RBFA: variants seen among roughly 807,000 people sequenced by gnomAD.
RBFA encodes ribosome binding factor A.
A neutral mutation model predicts 27.9 loss-of-function variants in RBFA; 16 were observed. The observed-to-expected ratio is 0.57, with a 90% CI of 0.39 to 0.87. The LOEUF (loss-of-function observed/expected upper bound fraction) is 0.87, where lower values mean the gene tolerates loss of function less well. Ranked by LOEUF, RBFA falls within the 40% of genes least tolerant of loss-of-function variation. The pLI is 0.00. For missense variants in RBFA, 456 were observed against 432.1 expected, an observed-to-expected ratio of 1.06 and a Z score of -0.49; for synonymous variants, 181 against 181.0, an observed-to-expected ratio of 1.00 and a Z score of 0.00.
chr18:80,048,908 AGTGTGG>A lies in RBFA; in HGVS notation c.*2755_*2760del, dbSNP rs2052076025. On this transcript the variant is annotated 3_prime_UTR_variant, in exon 7 of 7. Coordinates refer to ENST00000306735, the MANE Select transcript of RBFA (RefSeq NM_024805.3). ...CGGCTCAGTGCCTCCTAGAAAGTGG[AGTGTGG>A]GCACGTTTGCAGGGGATCCAACCAG... 4.9e-5 allele frequency among the ~76,000 whole-genome samples: 7 copies of A among 143,482 alleles called. No homozygotes were observed. Among genetic ancestry groups the A allele is most frequent in the South Asian group, 4.3e-4 (2 of 4,662 alleles). The allele number at this position is 143,482 out of a possible 152,430, so 94.1% of individuals were successfully genotyped here. A position where few individuals can be genotyped will look rare whatever the true frequency, so the allele number is the denominator to read the frequency against.
Position 80,048,628 on chromosome 18 carries a change from G to T in RBFA, c.*2473G>T, listed in dbSNP as rs189980514. On this transcript the variant is annotated 3_prime_UTR_variant, in exon 7 of 7. Coordinates refer to ENST00000306735, the MANE Select transcript of RBFA (RefSeq NM_024805.3). The stretch of plus-strand genomic sequence containing the variant: ...TAGGCCCAGAGAGCCCCAGGCTGCT[G>T]CCCAGACCTCCACGCCTGTGCCGGA... 7.2e-5 allele frequency among the ~76,000 whole-genome samples: 11 copies of T among 152,346 alleles called. No individual in the cohort carries two copies. The East Asian group carries it at 1.7e-3, about 24-fold the overall frequency.
At chr18:80,036,483 C>G (rs2051979658) in intron 1 of RBFA, among the ~76,000 whole-genome samples, 185 bp from the exon 2 acceptor site, 1 of 152,206 alleles carries the variant, frequency 6.6e-6, no homozygotes, top group African/African-American at 2.4e-5. Context: ...TTAAAACCAT[C>G]TTCAGCCTCT....
rs1446471235 is a variant in RBFA at position 80,045,772 on chromosome 18, A to G, written c.651-2A>G. The G allele has an allele frequency of 6.6e-7, 1 of 1,511,500 alleles. No homozygotes were observed. Among genetic ancestry groups the G allele is most frequent in the Non-Finnish European group, 8.8e-7 (1 of 1,130,850 alleles). 93.6% of individuals were successfully genotyped at this position (1,511,500 alleles called of 1,614,324 possible). A position where few individuals can be genotyped will look rare whatever the true frequency, so the allele number is the denominator to read the frequency against. The stretch of plus-strand genomic sequence containing the variant: ...GGTGTGAAGCCTCTTCTTCCTTCCC[A>G]GGGACCCTGATGCCCCACAACCCTG... On this transcript the variant is annotated splice_acceptor_variant, in intron 6 of 6. Coordinates refer to ENST00000306735, the MANE Select transcript of RBFA (RefSeq NM_024805.3). LOFTEE classifies it high-confidence loss of function.
intron 5 of RBFA, among the ~76,000 whole-genome samples, chr18:80,042,740 C>A (rs2052024868): frequency 6.6e-6 from 1 of 151,034 alleles, no homozygotes; most frequent in Non-Finnish European, 1.5e-5. Context: ...CACTGCACTC[C>A]AGGCAGCAGA....
At chr18:80,039,363 C>G (rs940554917) in intron 4 of RBFA, among the ~76,000 whole-genome samples, 5 of 152,134 alleles carry the variant, frequency 3.3e-5, no homozygotes, top group African/African-American at 1.2e-4. Context: ...GACAGTTTAT[C>G]AAAAATTATT....
intron 4 of RBFA, 31 bp downstream of exon 4, chr18:80,038,648 C>T (rs1417019604): frequency 6.6e-7 from 1 of 1,509,570 alleles, no homozygotes; most frequent in South Asian, 1.2e-5. Context: ...AATGTACTTG[C>T]TTTTTGCTCA....
In RBFA at chr18:80,034,533, C is replaced by T; in HGVS notation, c.38C>T (p.Ala13Val). 6.3e-7 allele frequency: 1 copy of T among 1,589,440 alleles called. No individual in the cohort carries two copies. The highest frequency in any genetic ancestry group is 8.5e-7 in the Non-Finnish European group (1 of 1,172,752). Residue 13 changes from alanine (A) to valine (V), a missense_variant, in exon 1 of 7, where the codon GCG becomes GTG. Transcript: ENST00000306735. ...GCGGGCGGGCTGTGGCGCTCCCGCG[C>T]GGGTCTCCGGGCCCTGTTCCGTAGC... ...AAAGGLWRSR[A>V]GLRALFRSRD...
intron 3 of RBFA, among the ~76,000 whole-genome samples, 159 bp downstream of exon 3, chr18:80,037,665 G>A (rs1374566317): frequency 6.6e-6 from 1 of 152,160 alleles, no homozygotes; most frequent in African/African-American, 2.4e-5. Flanking sequence ...TGAGGCGGGC[G>A]GATCACGAGG....
In RBFA at chr18:80,038,494, C is replaced by T. The variant is rs766137224; in HGVS notation, c.379-11C>T. On this transcript the variant is annotated splice_polypyrimidine_tract_variant and intron_variant, in intron 3 of 6. Transcript: ENST00000306735. ...AGCTAAAAAGTGACCTGTGGAGGGG[C>T]GGGGTCTCAGGTTTCCCTGACTCCA... The T allele has an allele frequency of 5.2e-5, 82 of 1,584,264 alleles. No individual in the cohort carries two copies. The highest frequency in any genetic ancestry group is 1.1e-4 in the East Asian group (5 of 44,512).
chr18:80,038,624 A>G lies in RBFA; in HGVS notation c.491+7A>G. On this transcript the variant is annotated splice_region_variant and intron_variant, in intron 4 of 6. Transcript: ENST00000306735. ...GAAGTGCCGCGCACATGAGGTGATG[A>G]CCTTTGCTTTCTGAATGTACTTGCT... is the stretch of plus-strand genomic sequence containing the variant. 6.3e-7 allele frequency: 1 copy of G among 1,595,726 alleles called. No individual in the cohort carries two copies. The highest frequency in any genetic ancestry group is 1.1e-5 in the South Asian group (1 of 89,394).
At chr18:80,045,199 G>A (rs1320811804) in intron 6 of RBFA, among the ~76,000 whole-genome samples, 1 of 151,106 alleles carries the variant, frequency 6.6e-6, no homozygotes, top group African/African-American at 2.4e-5. Flanking sequence ...CGAGGCACTG[G>A]CCATGCTTAG....
rs1418527572 is a variant in RBFA, at chr18:80,036,705, C to T, written c.196C>T (p.His66Tyr). Residue 66 changes from histidine to tyrosine, a missense_variant, in exon 2 of 7, where the codon CAC becomes TAC. Transcript: ENST00000306735. ...VWYESPSLGSHSTYKPSKLEF... is the reference protein window; with the variant it reads ...VWYESPSLGSYSTYKPSKLEF... ...GTATGAAAGTCCTTCCTTGGGTTCT[C>T]ACTCGGTGAGTATAAGCCATGAGCC... 5 of 1,611,676 alleles carry T rather than the reference C, an allele frequency of 3.1e-6. No individual in the cohort carries two copies. The East Asian group carries it at 8.9e-5, about 29-fold the overall frequency.
At chr18:80,042,866 G>A (rs2052025960) in intron 5 of RBFA, among the ~76,000 whole-genome samples, 2 of 151,926 alleles carry the variant, frequency 1.3e-5, no homozygotes, top group African/African-American at 4.8e-5. Context: ...CTGTGCCCCT[G>A]TTCCCAGCCA....
At chr18:80,035,985 A>G (rs7228489) in intron 1 of RBFA, 116,039 of 151,990 alleles carry the variant, frequency 0.76, 45,030 homozygotes, top group East Asian at 0.91. Flanking sequence ...GTTTCGTACC[A>G]CAGCCCTAAA....
At chr18:80,037,058 G>A (rs2051984221) in intron 2 of RBFA, among the ~76,000 whole-genome samples, 1 of 152,172 alleles carries the variant, frequency 6.6e-6, no homozygotes, top group African/African-American at 2.4e-5. Flanking sequence ...CTTTAGCACG[G>A]TGAACTTTAT....
chr18:80,048,722 A>C lies in RBFA; in HGVS notation c.*2567A>C, dbSNP rs1371830764. Among the ~76,000 whole-genome samples the C allele has an allele frequency of 6.6e-6, 1 of 152,244 alleles. No homozygotes were observed. Among genetic ancestry groups the C allele is most frequent in the African/African-American group, 2.4e-5 (1 of 41,466 alleles). Reference sequence around the variant, plus strand: ...TTTCCAAATAAGGAATCTGAGGCCCAGGGAGAGGTGAAGTGCTGCAGGAGA... The same window carrying C: ...TTTCCAAATAAGGAATCTGAGGCCCCGGGAGAGGTGAAGTGCTGCAGGAGA... On this transcript the variant is annotated 3_prime_UTR_variant, in exon 7 of 7. Transcript: ENST00000306735.
At chr18:80,040,820 TAAAC>T (rs1273727186) in intron 4 of RBFA, among the ~76,000 whole-genome samples, 1 of 152,218 alleles carries the variant, frequency 6.6e-6, no homozygotes, top group Non-Finnish European at 1.5e-5. Context: ...AGAACCCACA[TAAAC>T]AAATGCTCTT....
In RBFA at chr18:80,046,353, A is replaced by C; in HGVS notation, c.*198A>C. ...TTTTTCCATGCACTGTGTGTAATTT[A>C]AAAATTAAATGGCCATCTTATCACA... On this transcript the variant is annotated 3_prime_UTR_variant, in exon 7 of 7. Transcript: ENST00000306735. 6.5e-6 allele frequency: 4 copies of C among 614,662 alleles called. No individual in the cohort carries two copies. The South Asian group carries it at 6.6e-5, about 10-fold the overall frequency. The allele number at this position is 614,662 out of a possible 1,614,324, so 38.1% of individuals were successfully genotyped here.
chr18:80,043,596 C>T (rs1028468213), intron 5 of RBFA, among the ~76,000 whole-genome samples: 1 of 152,178 alleles, frequency 6.6e-6, no homozygotes, highest in African/African-American at 2.4e-5. Context: ...AGAACAGTCA[C>T]TGGACAGGGG....
Sources: allele counts gnomAD v4.1 joint callset (sites outside exome capture counted in the v4.1 genomes callset), GRCh38; gene constraint gnomAD v4.1.1; transcripts MANE v1.5; gene names NCBI Gene and HGNC (gene_info 2026-07-23, HGNC 2026-07-21).